The following TPTE2 variants were observed in gnomAD, a reference collection of about 807,000 sequenced individuals.
The protein encoded by TPTE2 is transmembrane phosphoinositide 3-phosphatase and tensin homolog 2.
TPTE2 carries 53 observed loss-of-function variants against 78.6 expected under a neutral mutation model. The observed-to-expected ratio is 0.67, with a 90% CI of 0.54 to 0.85. The LOEUF (loss-of-function observed/expected upper bound fraction) is 0.85. TPTE2 is among the 40% of genes least tolerant of loss of function. The probability of loss-of-function intolerance (pLI) is 0.00; values close to 1 mark genes in which losing one functional copy is unlikely to be tolerated. For synonymous variants in TPTE2, 175 were observed against 206.2 expected (o/e 0.85, Z 1.30); for missense variants, 461 against 623.0 (o/e 0.74, Z 2.77).
At chr13:19,560,496 T>C in the TPTE2 span, 1 of 1,590,998 alleles carries the variant, frequency 6.3e-7, no homozygotes, top group Non-Finnish European at 8.6e-7. Flanking sequence ...CCATTCATAC[T>C]CTCTGCAGTA....
intron 3 of TPTE2, among the ~76,000 whole-genome samples, chr13:19,490,874 T>C (rs1188742785): frequency 2.0e-5 from 3 of 152,210 alleles, no homozygotes. Flanking sequence ...TTGCCTCTTT[T>C]GGCTCACTCT....
At chr13:19,436,381 T>C (rs905196343) in intron 14 of TPTE2, 75 bp from the exon 18 acceptor site, 9 of 1,326,858 alleles carry the variant, frequency 6.8e-6, no homozygotes, top group Non-Finnish European at 6.3e-6. Context: ...CCTTAGTGTT[T>C]CTATGCCCAC....
intron 19 of TPTE2, 97 bp from the exon 23 acceptor site, chr13:19,423,261 A>C (rs934948752): frequency 2.7e-5 from 24 of 899,904 alleles, no homozygotes; most frequent in Non-Finnish European, 3.6e-5. Context: ...ACAAAAAAAA[A>C]CCTCACCATG....
chr13:19,510,559 C>T (rs904780257), intron 1 of TPTE2, among the ~76,000 whole-genome samples: 26 of 152,134 alleles, frequency 1.7e-4, no homozygotes, highest in African/African-American at 5.8e-4. Context: ...GGCCCCACCT[C>T]CAACATTGGG....
intron 1 of TPTE2, among the ~76,000 whole-genome samples, chr13:19,510,720 G>C (rs1321368228): frequency 6.6e-6 from 1 of 152,112 alleles, no homozygotes; most frequent in African/African-American, 2.4e-5. Context: ...AAAGAAATTT[G>C]ATGAACTTAT....
At chr13:19,439,073 G>C (rs1877313000) in intron 13 of TPTE2, among the ~76,000 whole-genome samples, 1 of 152,210 alleles carries the variant, frequency 6.6e-6, no homozygotes, top group Admixed American at 6.5e-5. Context: ...ACTGGCAGCA[G>C]GACAACACTG....
At chr13:19,531,402 C>T (rs542058673) in intron 1 of TPTE2, among the ~76,000 whole-genome samples, 4 of 151,624 alleles carry the variant, frequency 2.6e-5, no homozygotes, top group African/African-American at 9.7e-5. Flanking sequence ...TATTTGATTT[C>T]ATTTTTTGGT....
chr13:19,501,688 C>G (rs1868568882), intron 1 of TPTE2, among the ~76,000 whole-genome samples: 1 of 151,524 alleles, frequency 6.6e-6, no homozygotes, highest in African/African-American at 2.4e-5. Context: ...AGACCTAAAA[C>G]CATAAAAACC....
At chr13:19,550,436 C>A in the TPTE2 span, among the ~76,000 whole-genome samples, 5 of 152,002 alleles carry the variant, frequency 3.3e-5, no homozygotes, top group African/African-American at 1.2e-4. Context: ...TGTTAATATT[C>A]TAAGATTTAA....
At chr13:19,511,623 C>T (rs1047444263) in intron 1 of TPTE2, among the ~76,000 whole-genome samples, 3 of 152,084 alleles carry the variant, frequency 2.0e-5, no homozygotes, top group Non-Finnish European at 4.4e-5. Context: ...GGGAAATGCT[C>T]AAAAAGTGAT....
chr13:19,438,188 A>G (rs760361760), intron 13 of TPTE2, 35 bp from the exon 17 acceptor site: 179 of 1,596,470 alleles, frequency 1.1e-4, no homozygotes, highest in African/African-American at 6.8e-4. Flanking sequence ...AAGAACATAC[A>G]TGGTATAAAA....
intron 13 of TPTE2, among the ~76,000 whole-genome samples, chr13:19,439,372 A>G (rs1566040455): frequency 6.6e-6 from 1 of 152,004 alleles, no homozygotes; most frequent in Non-Finnish European, 1.5e-5. Context: ...GACCCTACCC[A>G]GCATGCTCTA....
At chr13:19,425,402 A>T (rs1455390427) in intron 18 of TPTE2, among the ~76,000 whole-genome samples, 1 of 152,160 alleles carries the variant, frequency 6.6e-6, no homozygotes, top group Non-Finnish European at 1.5e-5. Flanking sequence ...CCTTTTAATT[A>T]TAAATTGTAT....
chr13:19,539,647 T>C (rs1871382261), upstream of TPTE2, among the ~76,000 whole-genome samples: 1 of 152,214 alleles, frequency 6.6e-6, no homozygotes, highest in African/African-American at 2.4e-5. Flanking sequence ...ATTCTATTTC[T>C]GTGTTCTCTA....
Position 19,423,619 on chromosome 13 carries a change from C to T in TPTE2, c.1467-455G>A, listed in dbSNP as rs140259039. ...TGCTTAGCGTTCCAATAATGGAACACTAGGCATAAATTGGTTAACCCATTT... is the reference window on the plus strand; with the variant it reads ...TGCTTAGCGTTCCAATAATGGAACATTAGGCATAAATTGGTTAACCCATTT... On this transcript the variant is annotated intron_variant, in intron 19 of 19. Transcript: ENST00000400230. Among the ~76,000 whole-genome samples the T allele has an allele frequency of 1.5e-4, 23 of 152,230 alleles. No homozygotes were observed. The East Asian group carries it at 4.1e-3, about 27-fold the overall frequency.
Position 19,457,688 on chromosome 13 carries a change from G to A in TPTE2, c.742-6463C>T, listed in dbSNP as rs145269392. On this transcript the variant is annotated intron_variant, in intron 10 of 19. Coordinates refer to ENST00000400230, the Ensembl canonical transcript of TPTE2. ...GCTTCCAGCTCCATCCATGTCCCTG[G>A]AAAGGATGTAATCTTGTTCCTTTTT... Among the ~76,000 whole-genome samples the A allele has an allele frequency of 5.0e-3, 755 of 152,288 alleles. 6 individuals are homozygous for A. The highest frequency in any genetic ancestry group is 8.1e-3 in the Non-Finnish European group (551 of 68,022).
chr13:19,489,515 G>A (rs985962465), intron 3 of TPTE2, among the ~76,000 whole-genome samples: 3 of 149,554 alleles, frequency 2.0e-5, no homozygotes, highest in Non-Finnish European at 4.4e-5. Context: ...ATATATTAGA[G>A]GATATATATA....
At chr13:19,530,951 A>C (rs1341119369) in intron 1 of TPTE2, among the ~76,000 whole-genome samples, 1 of 152,118 alleles carries the variant, frequency 6.6e-6, no homozygotes, top group East Asian at 1.9e-4. Flanking sequence ...CCATTCTCTG[A>C]ACTTTTAAAA....
At chr13:19,506,787 G>A (rs1480180266), upstream of TPTE2, among the ~76,000 whole-genome samples, 3 of 152,130 alleles carry the variant, frequency 2.0e-5, no homozygotes, top group Admixed American at 2.0e-4. Flanking sequence ...ACTATGAGAT[G>A]ATTAATTTTT....
Sources: gnomAD v4.1 joint callset for allele counts (sites outside exome capture counted in the v4.1 genomes callset) on GRCh38, gnomAD v4.1.1 for gene constraint, MANE v1.5 for transcripts, NCBI Gene and HGNC (gene_info 2026-07-23, HGNC 2026-07-21) for gene names.